TMEM208: variants seen among roughly 807,000 people sequenced by gnomAD.
TMEM208 encodes transmembrane protein 208, also known as SRP-independent targeting 2 homolog.
TMEM208 carries 19 observed loss-of-function variants against 26.4 expected under a neutral mutation model. The observed-to-expected ratio is 0.72, with a 90% CI of 0.50 to 1.06. The LOEUF is 1.06. Ranked by LOEUF, TMEM208 falls within the 50% of genes least tolerant of loss-of-function variation. The pLI, the probability that TMEM208 is intolerant of heterozygous loss-of-function variation, is 0.00. For synonymous variants in TMEM208, 93 were observed against 83.1 expected (o/e 1.12, Z -0.65); for missense variants, 183 against 219.8 (o/e 0.83, Z 1.06).
At position 67,229,063 on chromosome 16, in the gene TMEM208, A is replaced by G; in HGVS notation, c.472A>G (p.Asn158Asp). 6.2e-7 allele frequency: 1 copy of G among 1,613,306 alleles called. No homozygotes were observed. The highest frequency in any genetic ancestry group is 8.5e-7 in the Non-Finnish European group (1 of 1,179,474). The change falls in exon 6 of 6, where the codon AAT becomes GAT. Residue 158 changes from asparagine to aspartate, a missense_variant. Transcript: ENST00000304800. ...CAGTGGCACCCCAGCACCAGAGCAC[A>G]ATGAGAAACGGCAGCGCCGACAGGA... Reference protein sequence around the residue: ...ADSGTPAPEHNEKRQRRQERR... With the variant: ...ADSGTPAPEHDEKRQRRQERR...
chr16:67,227,344 G>C, intron 1 of TMEM208, 120 bp downstream of exon 1: 1 of 1,403,472 alleles, frequency 7.1e-7, no homozygotes, highest in South Asian at 1.3e-5. Flanking sequence ...GCCATCCCTG[G>C]CCAGACCGTG....
At position 67,228,857 on chromosome 16, in the gene TMEM208, C is replaced by T. The variant is rs1324515147; in HGVS notation, c.360C>T (p.Leu120=). Reference sequence around the variant, plus strand: ...TGCAGGTGCTCAGCTGCTTCTCTCTCTATGTCTGGTCCTTCTGGCTTCTGG... The same window carrying T: ...TGCAGGTGCTCAGCTGCTTCTCTCTTTATGTCTGGTCCTTCTGGCTTCTGG... ...AIVQVLSCFS[L]YVWSFWLLAP... is the part of the protein sequence containing the mutation. The change falls in exon 5 of 6, where the codon CTC becomes CTT. Residue 120 remains leucine (L), a synonymous_variant. Coordinates refer to ENST00000304800, the MANE Select transcript of TMEM208 (RefSeq NM_014187.4). 5 of 1,613,920 alleles carry T rather than the reference C, an allele frequency of 3.1e-6. No individual in the cohort carries two copies. The highest frequency in any genetic ancestry group is 3.4e-6 in the Non-Finnish European group (4 of 1,179,896).
chr16:67,227,866 A>C lies in TMEM208; in HGVS notation c.37A>C (p.Lys13Gln), dbSNP rs780063631. The stretch of plus-strand genomic sequence containing the variant: ...GGGCAAAGTGGGCACGAGAGGGAAG[A>C]AGCAGATATTTGAAGAGAACAGAGA... ...PKGKVGTRGK[K>Q]QIFEENRETL... Residue 13 changes from lysine to glutamine, a missense_variant, in exon 2 of 6, where the codon AAG becomes CAG. Physicochemically the swap from Lys to Gln is moderately conservative, Grantham distance 53 (BLOSUM62 1). Transcript: ENST00000304800. The C allele has an allele frequency of 5.0e-6, 8 of 1,611,564 alleles. No individual in the cohort carries two copies. Among genetic ancestry groups the C allele is most frequent in the South Asian group, 3.3e-5 (3 of 90,342 alleles).
At position 67,227,875 on chromosome 16, in the gene TMEM208, T is replaced by C. The variant is rs1301094958; in HGVS notation, c.46T>C (p.Phe16Leu). 11 of 1,611,854 alleles carry C rather than the reference T, an allele frequency of 6.8e-6. No individual in the cohort carries two copies. The highest frequency in any genetic ancestry group is 1.7e-5 in the Admixed American group (1 of 59,766). Residue 16 changes from phenylalanine (F) to leucine (L), a missense_variant, in exon 2 of 6, where the codon TTT (phenylalanine) becomes CTT (leucine). Phe to Leu is a conservative substitution (Grantham distance 22). Coordinates refer to ENST00000304800, the MANE Select transcript of TMEM208 (RefSeq NM_014187.4). ...GGGCACGAGAGGGAAGAAGCAGATA[T>C]TTGAAGAGAACAGAGAGACTCTGAA... ...KVGTRGKKQI[F>L]EENRETLKFY...
rs1567379360 is a variant in TMEM208 at position 67,228,637 on chromosome 16, T to C, written c.299+6T>C. On this transcript the variant is annotated splice_donor_region_variant and intron_variant, in intron 4 of 5. Coordinates refer to ENST00000304800, the MANE Select transcript of TMEM208 (RefSeq NM_014187.4). ...ATGGAGCAGGGCATGGCAGAGTGAGTGTCCCCCACCGCCAGCCCAGGTGAG... is the reference window on the plus strand; with the variant it reads ...ATGGAGCAGGGCATGGCAGAGTGAGCGTCCCCCACCGCCAGCCCAGGTGAG... The C allele has an allele frequency of 6.4e-7, 1 of 1,556,274 alleles. No individual in the cohort carries two copies. Among genetic ancestry groups the C allele is most frequent in the Non-Finnish European group, 8.7e-7 (1 of 1,149,482 alleles).
rs992278526 is a variant in TMEM208, at chr16:67,229,168, C to G, written c.*55C>G. 2.0e-6 allele frequency: 3 copies of G among 1,522,796 alleles called. No individual in the cohort carries two copies. The African/African-American group carries it at 4.2e-5, about 21-fold the overall frequency. 94.3% of individuals were successfully genotyped at this position (1,522,796 alleles called of 1,614,324 possible). A position where few individuals can be genotyped will look rare whatever the true frequency, so the allele number is the denominator to read the frequency against. ...CCCTGGGTGGCTCTGTCAGGGTGCACAGCCCCTCATGCCTGGAGCAATGAG... is the reference window on the plus strand; with the variant it reads ...CCCTGGGTGGCTCTGTCAGGGTGCAGAGCCCCTCATGCCTGGAGCAATGAG... On this transcript the variant is annotated 3_prime_UTR_variant, in exon 6 of 6. Coordinates refer to ENST00000304800, the MANE Select transcript of TMEM208 (RefSeq NM_014187.4).
At chr16:67,227,368 G>A (rs960430633) in intron 1 of TMEM208, 144 bp downstream of exon 1, 8 of 1,245,942 alleles carry the variant, frequency 6.4e-6, no homozygotes, top group Non-Finnish European at 9.0e-6. Flanking sequence ...GAGCTGGGCT[G>A]GGGGGATGGC....
In TMEM208 at chr16:67,228,764, A is replaced by G. The variant is rs78736954; in HGVS notation, c.300-33A>G. 1,755 of 1,601,088 alleles carry G rather than the reference A, an allele frequency of 1.1e-3. 26 individuals are homozygous for G. In the African/African-American group the frequency reaches 0.021, roughly 19 times the overall value. On this transcript the variant is annotated intron_variant, in intron 4 of 5. Coordinates refer to ENST00000304800, the MANE Select transcript of TMEM208 (RefSeq NM_014187.4). ...ACTTGAAAAGGGTGGAAGGGCCCAT[A>G]TGCTGTCTTTCCAGCTTTATTTCTA...
intron 4 of TMEM208, 37 bp downstream of exon 4, chr16:67,228,668 C>G (rs898122499): frequency 4.5e-6 from 7 of 1,543,228 alleles, no homozygotes; most frequent in Non-Finnish European, 6.1e-6. Flanking sequence ...GTGAGCGGCC[C>G]CAGGGCTGGG....
intron 2 of TMEM208, 90 bp from the exon 3 acceptor site, chr16:67,228,265 C>G: frequency 2.1e-6 from 3 of 1,448,516 alleles, no homozygotes; most frequent in Non-Finnish European, 2.9e-6. Flanking sequence ...GCTCCTCCCA[C>G]AGCCTGGCCT....
At chr16:67,228,153 A>T in intron 2 of TMEM208, 1 of 669,716 alleles carries the variant, frequency 1.5e-6, no homozygotes, top group Non-Finnish European at 2.5e-6. Flanking sequence ...ACCTCCAAGT[A>T]CACAAAGGCT....
At chr16:67,227,989 C>A in intron 2 of TMEM208, 58 bp downstream of exon 2, 1 of 1,405,258 alleles carries the variant, frequency 7.1e-7, no homozygotes, top group Non-Finnish European at 9.7e-7. Flanking sequence ...TAGTCCTCAG[C>A]CCTGCTTGGT....
intron 5 of TMEM208, 47 bp downstream of exon 5, chr16:67,228,928 C>T: frequency 6.2e-7 from 1 of 1,612,176 alleles, no homozygotes; most frequent in Non-Finnish European, 8.5e-7. Context: ...TAACCCTCCC[C>T]ATCTTTTATT....
chr16:67,227,780 T>G (rs1597308720), intron 1 of TMEM208, 56 bp from the exon 2 acceptor site: 1 of 1,401,576 alleles, frequency 7.1e-7, no homozygotes, highest in South Asian at 1.3e-5. Context: ...ACCAGGCTGG[T>G]GGGGAGAATG....
Position 67,227,137 on chromosome 16 carries a change from C to A in TMEM208, c.-82C>A. The A allele has an allele frequency of 6.3e-7, 1 of 1,590,592 alleles. No individual in the cohort carries two copies. Among genetic ancestry groups the A allele is most frequent in the East Asian group, 2.2e-5 (1 of 44,474 alleles). ...ACGACTTCGGTCTGCGCCGGAAGTGCATGAGCTGCCGATGTGGTGCTTAGT... is the reference window on the plus strand; with the variant it reads ...ACGACTTCGGTCTGCGCCGGAAGTGAATGAGCTGCCGATGTGGTGCTTAGT... On this transcript the variant is annotated 5_prime_UTR_variant, in exon 1 of 6. Transcript: ENST00000304800.
At position 67,228,348 on chromosome 16, in the gene TMEM208, CT is replaced by C; in HGVS notation, c.103-5del. On this transcript the variant is annotated splice_region_variant and splice_polypyrimidine_tract_variant and intron_variant, in intron 2 of 5. Transcript: ENST00000304800. ...TGACCCCAACCTGATCCTGTGATTG[CT>C]TGCAGGCCATTTACTGCCTTGTGAC... 6.2e-7 allele frequency: 1 copy of C among 1,613,996 alleles called. No individual in the cohort carries two copies. Among genetic ancestry groups the C allele is most frequent in the Non-Finnish European group, 8.5e-7 (1 of 1,179,874 alleles).
intron 1 of TMEM208, 136 bp downstream of exon 1, chr16:67,227,360 G>A (rs2034060588): frequency 7.6e-7 from 1 of 1,311,790 alleles, no homozygotes; most frequent in African/African-American, 1.5e-5. Context: ...CCGTGCTAGA[G>A]CTGGGCTGGG....
Position 67,228,551 on chromosome 16 carries a change from G to A in TMEM208, c.219G>A (p.Ser73=), listed in dbSNP as rs777014595. 14 of 1,610,842 alleles carry A rather than the reference G, an allele frequency of 8.7e-6. No homozygotes were observed. The highest frequency in any genetic ancestry group is 1.1e-5 in the Non-Finnish European group (13 of 1,177,678). The change falls in exon 4 of 6, where the codon TCG becomes TCA. Residue 73 remains serine (S), a synonymous_variant. Transcript: ENST00000304800. The part of the protein sequence containing the change: ...VYGASYHSMS[S]MARAAFSEDG... The stretch of plus-strand genomic sequence containing the variant: ...GGGCCAGCTACCACTCTATGAGCTC[G>A]ATGGCACGAGCAGCGTTCTCTGAGG...
chr16:67,227,630 T>C, intron 1 of TMEM208: 1 of 580,300 alleles, frequency 1.7e-6, no homozygotes. Flanking sequence ...CAAGAGGCGA[T>C]TGATCCTAGC....
Sources: gnomAD v4.1 joint callset for allele counts on GRCh38, gnomAD v4.1.1 for gene constraint, MANE v1.5 for transcripts, NCBI Gene and HGNC (gene_info 2026-07-23, HGNC 2026-07-21) for gene names.